Variants in EYS observed in about 807,000 individuals in gnomAD.
EYS encodes EGF-like photoreceptor maintenance factor.
Under a neutral mutation model 282.1 loss-of-function variants are expected in EYS, and 250 were observed. The ratio of observed to expected loss-of-function variants is 0.89; its 90% confidence interval spans 0.80 to 0.98. The LOEUF is 0.98. Among genes scored for constraint, EYS ranks in the 50% least tolerant of loss-of-function variants. EYS has a pLI of 0.00. For synonymous variants in EYS, 1,355 were observed against 1,282.9 expected, an observed-to-expected ratio of 1.06 and a Z score of -1.20; for missense variants, 4,016 against 3,709.0, an observed-to-expected ratio of 1.08 and a Z score of -2.15.
intron 5 of EYS, among the ~76,000 whole-genome samples, chr6:65,447,958 T>C (rs1768739153): frequency 6.6e-6 from 1 of 152,040 alleles, no homozygotes; most frequent in Non-Finnish European, 1.5e-5. Context: ...AGTTTGCCTG[T>C]GATGTAGTGT....
At chr6:64,620,015 A>G (rs1417449125) in intron 23 of EYS, among the ~76,000 whole-genome samples, 1 of 152,202 alleles carries the variant, frequency 6.6e-6, no homozygotes, top group Non-Finnish European at 1.5e-5. Flanking sequence ...TGTTGGTCAA[A>G]GACAACAAAC....
chr6:65,519,708 A>ATATATATAT (rs1554205854), intron 2 of EYS, among the ~76,000 whole-genome samples: 3 of 42,564 alleles, frequency 7.0e-5, no homozygotes, highest in African/African-American at 1.3e-4. Flanking sequence ...ATATATATAT[A>ATATATATAT]TTTTTTTTTT....
At chr6:64,675,993 A>G (rs1004361250) in intron 22 of EYS, among the ~76,000 whole-genome samples, 7 of 149,688 alleles carry the variant, frequency 4.7e-5, no homozygotes, top group Non-Finnish European at 1.0e-4. Context: ...CTATATATGG[A>G]CAGATTCTAT....
chr6:64,186,905 C>T (rs1323058188), intron 31 of EYS, among the ~76,000 whole-genome samples: 6 of 152,150 alleles, frequency 3.9e-5, no homozygotes, highest in East Asian at 3.9e-4. Context: ...ATACAGAGTA[C>T]TTAGTTGTAC....
intron 2 of EYS, among the ~76,000 whole-genome samples, chr6:65,598,575 T>C (rs1004508307): frequency 2.0e-5 from 3 of 152,130 alleles, no homozygotes; most frequent in East Asian, 1.9e-4. Flanking sequence ...TATACCTTTT[T>C]TACTCCATTT....
At chr6:65,702,518 C>T (rs1349870295) in intron 1 of EYS, among the ~76,000 whole-genome samples, 1 of 152,074 alleles carries the variant, frequency 6.6e-6, no homozygotes, top group Non-Finnish European at 1.5e-5. Context: ...ACGGTGAAAG[C>T]TTGTCTCTAC....
At chr6:65,585,109 A>G (rs972872729) in intron 2 of EYS, among the ~76,000 whole-genome samples, 1 of 151,888 alleles carries the variant, frequency 6.6e-6, no homozygotes, top group African/African-American at 2.4e-5. Context: ...CCAGGAAAAT[A>G]CTTTCTAATT....
At chr6:65,385,386 T>C (rs1376225607) in intron 7 of EYS, among the ~76,000 whole-genome samples, 4 of 151,940 alleles carry the variant, frequency 2.6e-5, no homozygotes, top group Non-Finnish European at 4.4e-5. Flanking sequence ...ATAGCATCAA[T>C]AAAATGCTTT....
intron 35 of EYS, among the ~76,000 whole-genome samples, chr6:63,882,570 T>C (rs910340224): frequency 2.0e-5 from 3 of 152,202 alleles, no homozygotes; most frequent in East Asian, 1.9e-4. Flanking sequence ...TTGAATGAAA[T>C]AGATATCATC....
rs114889448 is a variant in EYS, at chr6:65,639,618, T to C, written c.-333+160A>G. ...AATTTAAGAGGTAGGAACCATTTAG[T>C]AGAGCCAAAAACGATAAAACCTGAA... On this transcript the variant is annotated intron_variant, in intron 2 of 42. Coordinates refer to ENST00000503581, the MANE Select transcript of EYS (RefSeq NM_001142800.2). Among the ~76,000 whole-genome samples the C allele has an allele frequency of 4.9e-3, 750 of 152,250 alleles. 5 individuals carry two copies. Among genetic ancestry groups the C allele is most frequent in the African/African-American group, 0.017 (708 of 41,554 alleles).
chr6:65,146,865 T>C (rs565022333), intron 12 of EYS, among the ~76,000 whole-genome samples: 11 of 152,130 alleles, frequency 7.2e-5, no homozygotes, highest in African/African-American at 2.6e-4. Flanking sequence ...ATATGAATGA[T>C]TCAAAAACGT....
At chr6:63,810,095 A>G (rs1771006436) in intron 36 of EYS, among the ~76,000 whole-genome samples, 1 of 150,532 alleles carries the variant, frequency 6.6e-6, no homozygotes, top group South Asian at 2.1e-4. Context: ...AAAAAAAAAG[A>G]AAAAAGAAAA....
chr6:65,195,968 T>G (rs1251471475), intron 12 of EYS, among the ~76,000 whole-genome samples: 1 of 152,026 alleles, frequency 6.6e-6, no homozygotes, highest in African/African-American at 2.4e-5. Context: ...GTCATCCACC[T>G]AGCATGAAAT....
chr6:64,726,020 G>T (rs947383906), intron 22 of EYS, among the ~76,000 whole-genome samples: 18 of 152,018 alleles, frequency 1.2e-4, no homozygotes, highest in African/African-American at 3.6e-4. Flanking sequence ...AATGTTACAG[G>T]TTCAAAAATA....
At chr6:65,409,687 A>G (rs1766899656) in intron 5 of EYS, among the ~76,000 whole-genome samples, 1 of 152,184 alleles carries the variant, frequency 6.6e-6, no homozygotes. Context: ...TTTAGTAAAC[A>G]ACATATTTAT....
At chr6:65,205,947 A>G (rs879678557) in intron 12 of EYS, among the ~76,000 whole-genome samples, 15 of 151,890 alleles carry the variant, frequency 9.9e-5, no homozygotes, top group African/African-American at 2.7e-4. Context: ...AAGAATCTCA[A>G]TTTAAAATCC....
chr6:65,230,337 A>C (rs994899824), intron 12 of EYS, among the ~76,000 whole-genome samples: 2 of 147,210 alleles, frequency 1.4e-5, no homozygotes, highest in Non-Finnish European at 3.0e-5. Context: ...GGCGAATAGC[A>C]GAGCATCCAG....
chr6:65,268,414 G>A (rs1473973391), intron 12 of EYS, among the ~76,000 whole-genome samples: 1 of 151,950 alleles, frequency 6.6e-6, no homozygotes, highest in African/African-American at 2.4e-5. Flanking sequence ...AGTAATATAA[G>A]TAAACAATAG....
chr6:65,615,964 A>T (rs929327084), intron 2 of EYS, among the ~76,000 whole-genome samples: 1 of 151,750 alleles, frequency 6.6e-6, no homozygotes, highest in African/African-American at 2.4e-5. Flanking sequence ...AGAAAAAAAA[A>T]TTATCAAATA....
Sources: allele counts gnomAD v4.1 joint callset (sites outside exome capture counted in the v4.1 genomes callset), GRCh38; gene constraint gnomAD v4.1.1; transcripts MANE v1.5; gene names NCBI Gene and HGNC (gene_info 2026-07-23, HGNC 2026-07-21).